SF3B1: variants seen among roughly 807,000 people sequenced by gnomAD.
SF3B1 encodes the protein pre-mRNA processing 10.
SF3B1 carries 12 observed loss-of-function variants against 153.8 expected under a neutral mutation model. The observed-to-expected ratio is 0.08, with a 90% CI of 0.05 to 0.13. The LOEUF is 0.13. Among genes scored for constraint, SF3B1 ranks in the 10% least tolerant of loss-of-function variants. SF3B1 has a pLI of 1.00. For missense variants in SF3B1, 513 were observed against 1,606.1 expected, an observed-to-expected ratio of 0.32 and a Z score of 11.63; for synonymous variants, 498 against 525.2, an observed-to-expected ratio of 0.95 and a Z score of 0.71.
At chr2:197,423,768 C>CA (rs34942006) in intron 2 of SF3B1, 40 bp downstream of exon 2, 4 of 1,594,364 alleles carry the variant, frequency 2.5e-6, no homozygotes, top group African/African-American at 1.3e-5. Flanking sequence ...CTTGCTCTCT[C>CA]AAAAAAATAA....
chr2:197,429,612 C>T (rs1351900241), intron 1 of SF3B1, among the ~76,000 whole-genome samples: 3 of 152,058 alleles, frequency 2.0e-5, no homozygotes, highest in South Asian at 2.1e-4. Context: ...GGTGAAACCC[C>T]ATCTCTACTA....
intron 21 of SF3B1, among the ~76,000 whole-genome samples, 158 bp downstream of exon 21, chr2:197,398,303 A>C (rs978348372): frequency 5.3e-5 from 8 of 152,210 alleles, no homozygotes. Context: ...CACCCCCATT[A>C]CCATCCAAAT....
intron 9 of SF3B1, among the ~76,000 whole-genome samples, chr2:197,406,980 C>G (rs1222083726): frequency 1.7e-4 from 26 of 152,016 alleles, no homozygotes; most frequent in Admixed American, 1.7e-3. Context: ...CCCAGCTACT[C>G]AGGAGGCTGA....
chr2:197,405,035 A>C, intron 11 of SF3B1, 41 bp downstream of exon 11: 1 of 1,350,026 alleles, frequency 7.4e-7, no homozygotes, highest in Non-Finnish European at 1.0e-6. Context: ...TAATTAAATA[A>C]ATAAGCAACA....
Position 197,409,805 on chromosome 2 carries a change from T to A in SF3B1, c.869A>T (p.Lys290Ile). 6.2e-7 allele frequency: 1 copy of A among 1,614,052 alleles called. No individual in the cohort carries two copies. The highest frequency in any genetic ancestry group is 8.5e-7 in the Non-Finnish European group (1 of 1,179,930). The change falls in exon 7 of 25, where the codon AAA (lysine) becomes ATA (isoleucine). Residue 290 changes from lysine to isoleucine, a missense_variant. Around this residue, in one of 21 missense-constraint regions of SF3B1, gnomAD observed 91 missense variants for 157.4 expected, o/e 0.58. Coordinates refer to ENST00000335508, the MANE Select transcript of SF3B1 (RefSeq NM_012433.4). ...GHGGATSSAR[K>I]NRWDETPKTE... ...TTTGGGGGTTTCATCCCATCTGTTT[T>A]TACGAGCACTGGAAGTTGCGCCTCC...
chr2:197,429,163 T>C (rs1341438303), intron 1 of SF3B1, among the ~76,000 whole-genome samples: 2 of 152,146 alleles, frequency 1.3e-5, no homozygotes, highest in African/African-American at 4.8e-5. Flanking sequence ...TTTGGACTCA[T>C]AGTTCAATAC....
rs558644461 is a variant in SF3B1, at chr2:197,431,104, C to CTTT, written c.28+3865_28+3867dup. 1.8e-3 allele frequency among the ~76,000 whole-genome samples: 130 copies of CTTT among 73,712 alleles called. 11 individuals carry two copies. The highest frequency in any genetic ancestry group is 0.016 in the Admixed American group (83 of 5,212). 48.4% of individuals were successfully genotyped at this position (73,712 alleles called of 152,430 possible). A position where few individuals can be genotyped will look rare whatever the true frequency, so the allele number is the denominator to read the frequency against. On this transcript the variant is annotated intron_variant, in intron 1 of 24. Coordinates refer to ENST00000335508, the MANE Select transcript of SF3B1 (RefSeq NM_012433.4). ...GATTTCCCCTCCTGTGCCTTTTCTT[C>CTTT]TTTTTTTTTTTTTTTTTTTTTTTTT...
chr2:197,393,663 G>C (rs2084840588), intron 23 of SF3B1, among the ~76,000 whole-genome samples: 3 of 151,914 alleles, frequency 2.0e-5, no homozygotes. Context: ...ATGTTGGCCA[G>C]GATGGTCTCG....
At position 197,420,535 on chromosome 2, in the gene SF3B1, G is replaced by A. The variant is rs1574548280; in HGVS notation, c.308C>T (p.Pro103Leu). Residue 103 changes from proline (P) to leucine (L), a missense_variant, in exon 4 of 25, where the codon CCA becomes CTA. Pro to Leu is a moderately conservative substitution (Grantham distance 98). Transcript: ENST00000335508. ...DIPQSTEQYD[P>L]FAEHRPPKIA... Reference sequence around the variant, plus strand: ...CTTTGGAGGTCTGTGCTCAGCAAATGGATCATACTGAAAAGAGGTATGTCT... The same window carrying A: ...CTTTGGAGGTCTGTGCTCAGCAAATAGATCATACTGAAAAGAGGTATGTCT... 6.3e-7 allele frequency: 1 copy of A among 1,595,452 alleles called. No homozygotes were observed. Among genetic ancestry groups the A allele is most frequent in the Non-Finnish European group, 8.6e-7 (1 of 1,168,812 alleles).
In SF3B1 at chr2:197,400,888, T is replaced by C. The variant is rs1309324460; in HGVS notation, c.2545A>G (p.Ile849Val). The change falls in exon 18 of 25, where the codon ATT becomes GTT. Residue 849 changes from isoleucine (I) to valine (V), a missense_variant. By Grantham distance (29) the Ile-to-Val change is conservative (BLOSUM62 3). Coordinates refer to ENST00000335508, the MANE Select transcript of SF3B1 (RefSeq NM_012433.4). The surrounding 1 kb of genome is among the most constrained non-coding windows in gnomAD (Gnocchi z 5.0). The part of the protein sequence containing the change: ...ELANKVGAAE[I>V]ISRIVDDLKD... Reference sequence around the variant, plus strand: ...AGATCATCCACAATCCTGGATATAATTTCTGCTGCACCTACTTTGTTTGCC... The same window carrying C: ...AGATCATCCACAATCCTGGATATAACTTCTGCTGCACCTACTTTGTTTGCC... 3 of 1,613,690 alleles carry C rather than the reference T, an allele frequency of 1.9e-6. No individual in the cohort carries two copies. Among genetic ancestry groups the C allele is most frequent in the African/African-American group, 1.3e-5 (1 of 74,926 alleles).
chr2:197,397,437 C>T (rs2084888602), intron 22 of SF3B1, among the ~76,000 whole-genome samples: 1 of 152,210 alleles, frequency 6.6e-6, no homozygotes, highest in Non-Finnish European at 1.5e-5. Context: ...CTGTTTCCCT[C>T]CCTGAAAACA....
At chr2:197,429,513 G>A (rs780698385) in intron 1 of SF3B1, among the ~76,000 whole-genome samples, 17 of 152,214 alleles carry the variant, frequency 1.1e-4, no homozygotes, top group Non-Finnish European at 2.5e-4. Context: ...GGCCGGCACG[G>A]TGGCTCACGC....
intron 21 of SF3B1, among the ~76,000 whole-genome samples, 164 bp downstream of exon 21, chr2:197,398,297 C>T (rs971340429): frequency 6.6e-6 from 1 of 152,108 alleles, no homozygotes; most frequent in Non-Finnish European, 1.5e-5. Context: ...CATTGCCACC[C>T]CCATTACCAT....
At chr2:197,414,327 G>A (rs1268432500) in intron 6 of SF3B1, among the ~76,000 whole-genome samples, 3 of 152,088 alleles carry the variant, frequency 2.0e-5, no homozygotes, top group Non-Finnish European at 2.9e-5. Context: ...TTATACAAAC[G>A]GTACATAAAG....
intron 7 of SF3B1, among the ~76,000 whole-genome samples, chr2:197,409,278 A>G (rs1054396940): frequency 3.3e-5 from 5 of 152,130 alleles, no homozygotes; most frequent in Non-Finnish European, 7.4e-5. Context: ...GCATGCCTGT[A>G]ATCCCAGCTA....
chr2:197,428,474 C>T (rs1349019615), intron 1 of SF3B1, among the ~76,000 whole-genome samples: 1 of 152,092 alleles, frequency 6.6e-6, no homozygotes, highest in Non-Finnish European at 1.5e-5. Flanking sequence ...TCTCTAACTC[C>T]GTATTTTCAA....
In SF3B1 at chr2:197,389,829, C is replaced by T. The variant is rs1417324237; in HGVS notation, c.*2474G>A. On this transcript the variant is annotated 3_prime_UTR_variant, in exon 25 of 25. Transcript: ENST00000335508. ...TTCATCTAGTGGTACTTGGTGCTCACAGGGCACTGTACAACAAATTTTAAA... is the reference window on the plus strand; with the variant it reads ...TTCATCTAGTGGTACTTGGTGCTCATAGGGCACTGTACAACAAATTTTAAA... 4 of 151,984 alleles carry T rather than the reference C, an allele frequency of 2.6e-5. No individual in the cohort carries two copies. The highest frequency in any genetic ancestry group is 9.7e-5 in the African/African-American group (4 of 41,356). 9.4% of individuals were successfully genotyped at this position (151,984 alleles called of 1,614,324 possible). A position where few individuals can be genotyped will look rare whatever the true frequency, so the allele number is the denominator to read the frequency against.
At chr2:197,433,563 AAGAG>A (rs1274523048) in intron 1 of SF3B1, among the ~76,000 whole-genome samples, 13 of 152,378 alleles carry the variant, frequency 8.5e-5, no homozygotes, top group African/African-American at 3.1e-4. Flanking sequence ...TAGGAATACT[AAGAG>A]AGCATTTAAA....
chr2:197,430,743 C>T (rs535881347), intron 1 of SF3B1, among the ~76,000 whole-genome samples: 11 of 152,298 alleles, frequency 7.2e-5, no homozygotes, highest in South Asian at 2.1e-4. Flanking sequence ...CGTAAGCCAC[C>T]GTGCCCAGCC....
Sources: allele counts gnomAD v4.1 joint callset (sites outside exome capture counted in the v4.1 genomes callset), GRCh38; gene constraint gnomAD v4.1.1; regional missense constraint gnomAD v4.1.1; non-coding constraint Gnocchi (gnomAD v3.1); transcripts MANE v1.5; gene names NCBI Gene and HGNC (gene_info 2026-07-23, HGNC 2026-07-21).